EYS: variants seen among roughly 807,000 people sequenced by gnomAD.
EYS encodes the protein protein eyes shut homolog.
EYS carries 250 observed loss-of-function variants against 282.1 expected under a neutral mutation model. The observed-to-expected ratio is 0.89, with a 90% CI of 0.80 to 0.98. The LOEUF is 0.98. Among genes scored for constraint, EYS ranks in the 50% least tolerant of loss-of-function variants. EYS has a pLI of 0.00. For synonymous variants in EYS, 1,355 were observed against 1,282.9 expected (o/e 1.06, Z -1.20); for missense variants, 4,016 against 3,709.0 (o/e 1.08, Z -2.15).
At chr6:65,307,140 G>A (rs1582125542) in intron 11 of EYS, among the ~76,000 whole-genome samples, 1 of 147,268 alleles carries the variant, frequency 6.8e-6, no homozygotes. Flanking sequence ...GTTTTTGCCT[G>A]GCCTCACAGA....
chr6:64,346,562 G>T (rs1239477641), intron 29 of EYS, among the ~76,000 whole-genome samples: 2 of 151,650 alleles, frequency 1.3e-5, no homozygotes, highest in African/African-American at 4.8e-5. Context: ...TGGGGTGGGG[G>T]GAGTGGGGAG....
intron 30 of EYS, among the ~76,000 whole-genome samples, chr6:64,233,335 T>G (rs573384362): frequency 1.6e-4 from 24 of 152,302 alleles, no homozygotes; most frequent in African/African-American, 5.8e-4. Context: ...TTCAGTTTTA[T>G]TTTTGGAAGT....
At chr6:64,687,226 A>G (rs1186024278) in intron 22 of EYS, among the ~76,000 whole-genome samples, 1 of 152,026 alleles carries the variant, frequency 6.6e-6, no homozygotes, top group African/African-American at 2.4e-5. Flanking sequence ...AATCTGACAA[A>G]TATATTTTAA....
intron 40 of EYS, among the ~76,000 whole-genome samples, chr6:63,768,580 C>A (rs976174951): frequency 6.6e-6 from 1 of 151,856 alleles, no homozygotes; most frequent in Non-Finnish European, 1.5e-5. Flanking sequence ...AAAATGACAG[C>A]CATTGGTGAG....
intron 14 of EYS, among the ~76,000 whole-genome samples, chr6:64,946,393 G>A (rs547765518): frequency 6.6e-6 from 1 of 152,046 alleles, no homozygotes; most frequent in African/African-American, 2.4e-5. Flanking sequence ...AATTAAAATC[G>A]TAAAACTTTT....
At chr6:65,433,405 A>G (rs976975019) in intron 5 of EYS, among the ~76,000 whole-genome samples, 1 of 152,158 alleles carries the variant, frequency 6.6e-6, no homozygotes, top group Non-Finnish European at 1.5e-5. Context: ...GGGACTCACC[A>G]GGGTACATGA....
chr6:64,870,193 G>A (rs1262196107), intron 19 of EYS, among the ~76,000 whole-genome samples: 1 of 151,504 alleles, frequency 6.6e-6, no homozygotes, highest in Non-Finnish European at 1.5e-5. Flanking sequence ...ATACCAAAGA[G>A]AATTGAAAGC....
At chr6:65,023,216 A>T (rs940145614) in intron 13 of EYS, among the ~76,000 whole-genome samples, 4 of 152,150 alleles carry the variant, frequency 2.6e-5, no homozygotes, top group Non-Finnish European at 4.4e-5. Context: ...TAGTAAGTTA[A>T]TATTATCTTT....
intron 2 of EYS, among the ~76,000 whole-genome samples, chr6:65,501,075 G>A (rs1766436080): frequency 6.6e-6 from 1 of 151,906 alleles, no homozygotes; most frequent in Non-Finnish European, 1.5e-5. Context: ...CACTCTATGA[G>A]TAGGCCTCAG....
At chr6:64,312,106 G>A (rs1769735451) in intron 29 of EYS, among the ~76,000 whole-genome samples, 1 of 151,874 alleles carries the variant, frequency 6.6e-6, no homozygotes, top group African/African-American at 2.4e-5. Context: ...CCCCAACGGA[G>A]CCCAACAAGC....
At position 64,723,806 on chromosome 6, in the gene EYS, T is replaced by A. The variant is rs570966200; in HGVS notation, c.3443+89572A>T. Among the ~76,000 whole-genome samples the A allele has an allele frequency of 3.9e-5, 6 of 152,168 alleles. No homozygotes were observed. In the South Asian group the frequency reaches 1.2e-3, roughly 32 times the overall value. On this transcript the variant is annotated intron_variant, in intron 22 of 42. Transcript: ENST00000503581. ...TGATCGTTTGTGGATCTTCCATGGG[T>A]TTTGTCACAGCCTCACCCTGTTAAC...
chr6:64,332,371 G>C (rs1013934582), intron 29 of EYS, among the ~76,000 whole-genome samples: 4 of 152,170 alleles, frequency 2.6e-5, no homozygotes, highest in Admixed American at 2.6e-4. Context: ...ACAAGGGTGG[G>C]TAAGGAAAAG....
intron 1 of EYS, among the ~76,000 whole-genome samples, chr6:65,690,266 C>G (rs892626281): frequency 6.7e-6 from 1 of 150,000 alleles, no homozygotes; most frequent in Admixed American, 6.7e-5. Context: ...AGAAGCAGGA[C>G]GTGAAGCTAG....
At chr6:64,375,385 T>G (rs958567598) in intron 29 of EYS, among the ~76,000 whole-genome samples, 1 of 152,222 alleles carries the variant, frequency 6.6e-6, no homozygotes, top group Non-Finnish European at 1.5e-5. Context: ...AAATTAACTC[T>G]TCATTGAAAA....
intron 26 of EYS, among the ~76,000 whole-genome samples, chr6:64,444,442 G>A (rs1187859662): frequency 6.6e-6 from 1 of 152,008 alleles, no homozygotes; most frequent in Non-Finnish European, 1.5e-5. Context: ...TATACTGCCT[G>A]ACAATAAAAA....
rs1054889329 is a variant in EYS, at chr6:65,035,427, A to G, written c.2137+22187T>C. Among the ~76,000 whole-genome samples, 3 of 150,584 alleles carry G rather than the reference A, an allele frequency of 2.0e-5. No individual in the cohort carries two copies. The Admixed American group carries it at 2.0e-4, about 10-fold the overall frequency. On this transcript the variant is annotated intron_variant, in intron 13 of 42. Coordinates refer to ENST00000503581, the MANE Select transcript of EYS (RefSeq NM_001142800.2). ...GTCACCATGATATGATTGTATATAC[A>G]GAAAATTCCATAGTCTCTACCCAAA...
At chr6:64,175,257 A>G (rs1764591520) in intron 31 of EYS, among the ~76,000 whole-genome samples, 1 of 152,142 alleles carries the variant, frequency 6.6e-6, no homozygotes, top group Non-Finnish European at 1.5e-5. Flanking sequence ...TTATTCAATA[A>G]ATAAATAGTT....
intron 40 of EYS, among the ~76,000 whole-genome samples, chr6:63,773,501 G>A (rs1216776834): frequency 1.3e-5 from 2 of 152,310 alleles, no homozygotes; most frequent in South Asian, 2.1e-4. Context: ...TGATTGCAAT[G>A]CAGAGAGAAA....
intron 1 of EYS, among the ~76,000 whole-genome samples, chr6:65,688,060 T>G (rs953668957): frequency 8.5e-5 from 12 of 141,210 alleles, no homozygotes; most frequent in Non-Finnish European, 1.1e-4. Context: ...ATGACTTTCT[T>G]CACAGAATTG....
Sources: gnomAD v4.1 joint callset for allele counts (sites outside exome capture counted in the v4.1 genomes callset) on GRCh38, gnomAD v4.1.1 for gene constraint, MANE v1.5 for transcripts, NCBI Gene and HGNC (gene_info 2026-07-23, HGNC 2026-07-21) for gene names.